The following BIRC6 variants were observed in gnomAD, a reference collection of about 807,000 sequenced individuals.
The protein encoded by BIRC6 is baculoviral IAP repeat containing 6.
A neutral mutation model predicts 503.3 loss-of-function variants in BIRC6; 98 were observed. The observed-to-expected ratio is 0.19, with a 90% CI of 0.17 to 0.23. BIRC6 has a LOEUF of 0.23. Ranked by LOEUF, BIRC6 falls within the 10% of genes least tolerant of loss-of-function variation. BIRC6 has a pLI of 1.00. For missense variants in BIRC6, 5,360 were observed against 5,806.0 expected (o/e 0.92, Z 2.50); for synonymous variants, 2,240 against 2,078.7 (o/e 1.08, Z -2.11).
intron 65 of BIRC6, among the ~76,000 whole-genome samples, chr2:32,562,958 G>A (rs1037256475): frequency 6.6e-6 from 1 of 151,678 alleles, no homozygotes; most frequent in Non-Finnish European, 1.5e-5. Flanking sequence ...TTATTCTTTC[G>A]TGAGTACCAC....
intron 47 of BIRC6, 53 bp downstream of exon 47, chr2:32,501,941 TA>T (rs2053240773): frequency 1.4e-5 from 21 of 1,486,338 alleles, no homozygotes; most frequent in Non-Finnish European, 1.8e-5. Context: ...TATTGCGATG[TA>T]AGTGGAAAAT....
intron 22 of BIRC6, among the ~76,000 whole-genome samples, chr2:32,452,138 AC>A (rs1359438535): frequency 2.0e-5 from 3 of 152,150 alleles, no homozygotes; most frequent in African/African-American, 7.2e-5. Context: ...TCTTTTTCCA[AC>A]TACATATTTG....
intron 10 of BIRC6, among the ~76,000 whole-genome samples, chr2:32,421,341 G>A (rs946382534): frequency 6.6e-6 from 1 of 151,962 alleles, no homozygotes; most frequent in Non-Finnish European, 1.5e-5. Context: ...TCTTGACCTC[G>A]TGATCTGCCC....
intron 6 of BIRC6, 52 bp downstream of exon 6, chr2:32,395,645 T>C: frequency 6.9e-7 from 1 of 1,446,786 alleles, no homozygotes; most frequent in Non-Finnish European, 9.6e-7. Context: ...GTGTAAATAA[T>C]GCTTCTAAAT....
chr2:32,530,180 G>C (rs747273535), intron 60 of BIRC6, among the ~76,000 whole-genome samples: 2 of 151,952 alleles, frequency 1.3e-5, no homozygotes, highest in Non-Finnish European at 2.9e-5. Flanking sequence ...TCATATAATT[G>C]GGATCACATA....
Position 32,548,034 on chromosome 2 carries a change from A to G in BIRC6, c.12975+20A>G, listed in dbSNP as rs773187068. 3.2e-6 allele frequency: 5 copies of G among 1,550,098 alleles called. No individual in the cohort carries two copies. Among genetic ancestry groups the G allele is most frequent in the Middle Eastern group, 1.7e-4 (1 of 5,718 alleles). On this transcript the variant is annotated intron_variant, in intron 64 of 73. Transcript: ENST00000421745. Reference sequence around the variant, plus strand: ...CTGCAGGTATATTTGTAAACTTGATATTGTTCATGATAATGGCTTTTTTTT... The same window carrying G: ...CTGCAGGTATATTTGTAAACTTGATGTTGTTCATGATAATGGCTTTTTTTT...
At chr2:32,597,675 C>G in intron 68 of BIRC6, 76 bp from the exon 69 acceptor site, 1 of 1,046,008 alleles carries the variant, frequency 9.6e-7, no homozygotes. Context: ...GGGAGAAGGA[C>G]TAGTGATTGT....
intron 9 of BIRC6, among the ~76,000 whole-genome samples, chr2:32,409,195 G>A (rs2041582610): frequency 6.6e-6 from 1 of 151,960 alleles, no homozygotes; most frequent in African/African-American, 2.4e-5. Flanking sequence ...GTCTCATTCT[G>A]TTGCCCAGGC....
chr2:32,395,629 T>G (rs1457422235), intron 6 of BIRC6, 36 bp downstream of exon 6: 5 of 1,517,352 alleles, frequency 3.3e-6, no homozygotes. Context: ...ATAGGCTAAG[T>G]CAGTCGTGTA....
intron 10 of BIRC6, among the ~76,000 whole-genome samples, chr2:32,421,362 C>T (rs2042940849): frequency 3.9e-5 from 6 of 152,126 alleles, no homozygotes; most frequent in Admixed American, 3.9e-4. Flanking sequence ...GCCTTGACCT[C>T]CCAAAGTGCT....
intron 45 of BIRC6, among the ~76,000 whole-genome samples, chr2:32,497,582 A>G (rs918616686): frequency 7.2e-5 from 11 of 152,122 alleles, no homozygotes; most frequent in Admixed American, 2.0e-4. Context: ...AGCTTTGGTA[A>G]TTTTGTGAAG....
chr2:32,561,683 T>C (rs963133272), intron 65 of BIRC6, among the ~76,000 whole-genome samples: 1 of 150,764 alleles, frequency 6.6e-6, no homozygotes, highest in Non-Finnish European at 1.5e-5. Context: ...TTTCTGGGAT[T>C]ATCTTTTATG....
intron 17 of BIRC6, among the ~76,000 whole-genome samples, 151 bp downstream of exon 17, chr2:32,441,613 G>C (rs994023622): frequency 5.3e-5 from 8 of 152,052 alleles, no homozygotes; most frequent in African/African-American, 1.9e-4. Flanking sequence ...GAGAATATGA[G>C]TTGTCTTTAT....
chr2:32,517,494 A>G (rs1434840705), intron 55 of BIRC6, among the ~76,000 whole-genome samples: 1 of 152,190 alleles, frequency 6.6e-6, no homozygotes, highest in Non-Finnish European at 1.5e-5. Flanking sequence ...GGTATTTGAA[A>G]ATTTGGTTTG....
intron 54 of BIRC6, among the ~76,000 whole-genome samples, chr2:32,513,563 C>T (rs146920240): frequency 8.5e-5 from 13 of 152,092 alleles, no homozygotes; most frequent in African/African-American, 3.1e-4. Flanking sequence ...TCGCTTGAGT[C>T]AGGAGTTCAA....
chr2:32,365,554 T>C (rs945119396), intron 1 of BIRC6, among the ~76,000 whole-genome samples: 7 of 152,112 alleles, frequency 4.6e-5, no homozygotes, highest in Non-Finnish European at 8.8e-5. Context: ...CTCCTGACCT[T>C]GTGATCCACT....
At chr2:32,554,981 G>C (rs1422102055) in intron 65 of BIRC6, among the ~76,000 whole-genome samples, 1 of 151,954 alleles carries the variant, frequency 6.6e-6, no homozygotes, top group Non-Finnish European at 1.5e-5. Flanking sequence ...AAAGGACATA[G>C]AAATTGTATT....
chr2:32,384,179 A>G (rs960071518), intron 3 of BIRC6, among the ~76,000 whole-genome samples: 3 of 152,222 alleles, frequency 2.0e-5, no homozygotes, highest in African/African-American at 7.2e-5. Flanking sequence ...TAAATATAAT[A>G]GTGGGCATGC....
In BIRC6 at chr2:32,605,346, T is replaced by C. The variant is rs2151607488; in HGVS notation, c.14071-2109T>C. Among the ~76,000 whole-genome samples the C allele has an allele frequency of 1.3e-5, 2 of 152,362 alleles. 1 individual carries two copies. Among genetic ancestry groups the C allele is most frequent in the South Asian group, 4.1e-4 (2 of 4,828 alleles). ...TAATTTTTAAATTGTTATAACTGAC[T>C]GAGATCTATAAAACCATATTGTGTC... On this transcript the variant is annotated intron_variant, in intron 71 of 73. Transcript: ENST00000421745.
Sources: allele counts gnomAD v4.1 joint callset (sites outside exome capture counted in the v4.1 genomes callset), GRCh38; gene constraint gnomAD v4.1.1; transcripts MANE v1.5; gene names NCBI Gene and HGNC (gene_info 2026-07-23, HGNC 2026-07-21).